ATP6V1H: variants seen among roughly 807,000 people sequenced by gnomAD.
ATP6V1H encodes V-type proton ATPase subunit H.
Under a neutral mutation model 71.7 loss-of-function variants are expected in ATP6V1H, and 39 were observed. The ratio of observed to expected loss-of-function variants is 0.54; its 90% CI spans 0.42 to 0.71. ATP6V1H has a LOEUF of 0.71. ATP6V1H is among the 30% of genes least tolerant of loss of function. The probability of loss-of-function intolerance (pLI) is 0.00; values close to 1 mark genes in which losing one functional copy is unlikely to be tolerated. For synonymous variants in ATP6V1H, 192 were observed against 199.3 expected (o/e 0.96, Z 0.31); for missense variants, 509 against 594.9 (o/e 0.86, Z 1.50).
intron 12 of ATP6V1H, among the ~76,000 whole-genome samples, chr8:53,750,921 G>GAGTCA (rs1202796564): frequency 2.6e-5 from 4 of 152,274 alleles, no homozygotes; most frequent in African/African-American, 9.6e-5. Context: ...CACCTAAAGA[G>GAGTCA]TGCTTACTAT....
intron 8 of ATP6V1H, among the ~76,000 whole-genome samples, chr8:53,798,491 A>G (rs1809813276): frequency 6.6e-6 from 1 of 152,120 alleles, no homozygotes; most frequent in Admixed American, 6.5e-5. Flanking sequence ...ACTGCACTCC[A>G]GCCTGGGTGA....
chr8:53,840,899 A>G (rs1261866745), intron 2 of ATP6V1H, among the ~76,000 whole-genome samples: 2 of 152,234 alleles, frequency 1.3e-5, no homozygotes, highest in Non-Finnish European at 2.9e-5. Flanking sequence ...TGCTCACTTT[A>G]TAGATAAATA....
chr8:53,774,666 C>A (rs892689119), intron 9 of ATP6V1H, among the ~76,000 whole-genome samples: 28 of 150,682 alleles, frequency 1.9e-4, no homozygotes, highest in Non-Finnish European at 3.8e-4. Flanking sequence ...CCTGAACGAA[C>A]AAAAGGTAGC....
At chr8:53,741,726 T>C (rs1449702367) in intron 13 of ATP6V1H, among the ~76,000 whole-genome samples, 1 of 152,244 alleles carries the variant, frequency 6.6e-6, no homozygotes, top group Non-Finnish European at 1.5e-5. Context: ...GCTAAACTGA[T>C]AAAAACCATT....
At chr8:53,730,396 A>ATCTTCTAGTGGC (rs1237602321) in intron 13 of ATP6V1H, among the ~76,000 whole-genome samples, 1 of 152,200 alleles carries the variant, frequency 6.6e-6, no homozygotes, top group East Asian at 1.9e-4. Flanking sequence ...GTTCTGATGG[A>ATCTTCTAGTGGC]TCTTCTAGTG....
chr8:53,733,512 G>A (rs1282509642), intron 13 of ATP6V1H, among the ~76,000 whole-genome samples: 1 of 152,228 alleles, frequency 6.6e-6, no homozygotes, highest in Non-Finnish European at 1.5e-5. Flanking sequence ...CCGGCACCTG[G>A]AGGACTGTGG....
intron 2 of ATP6V1H, chr8:53,839,994 A>G (rs1811290392): frequency 1.1e-6 from 1 of 874,010 alleles, no homozygotes; most frequent in African/African-American, 1.8e-5. Flanking sequence ...ACTCCCACCC[A>G]GTGTGCTGTT....
At chr8:53,837,994 C>G (rs540099715) in intron 2 of ATP6V1H, among the ~76,000 whole-genome samples, 3 of 152,214 alleles carry the variant, frequency 2.0e-5, no homozygotes, top group African/African-American at 7.2e-5. Context: ...AATGAAGAAG[C>G]CTGGAGAGAG....
At chr8:53,783,111 G>A (rs1282324094) in intron 9 of ATP6V1H, among the ~76,000 whole-genome samples, 1 of 152,052 alleles carries the variant, frequency 6.6e-6, no homozygotes, top group Non-Finnish European at 1.5e-5. Context: ...AGTTTCAGAA[G>A]GAATGGTACC....
At chr8:53,779,626 T>C (rs892902117) in intron 9 of ATP6V1H, among the ~76,000 whole-genome samples, 2 of 151,824 alleles carry the variant, frequency 1.3e-5, no homozygotes, top group African/African-American at 4.8e-5. Flanking sequence ...AACAAATTAT[T>C]TTCTGAGAGG....
At chr8:53,777,131 A>T (rs1263492637) in intron 9 of ATP6V1H, among the ~76,000 whole-genome samples, 1 of 152,248 alleles carries the variant, frequency 6.6e-6, no homozygotes, top group Non-Finnish European at 1.5e-5. Flanking sequence ...AGGCAAGGAT[A>T]AGTAAAAAGG....
intron 3 of ATP6V1H, chr8:53,831,882 A>T (rs1186831024): frequency 6.6e-6 from 1 of 150,828 alleles, no homozygotes; most frequent in Non-Finnish European, 1.5e-5. Context: ...TACAAGTGTG[A>T]GCCACTGCAC....
At chr8:53,722,056 C>T (rs546757798) in intron 13 of ATP6V1H, among the ~76,000 whole-genome samples, 1 of 152,272 alleles carries the variant, frequency 6.6e-6, no homozygotes, top group African/African-American at 2.4e-5. Context: ...TTTGCAATAA[C>T]AAAGTTATTT....
chr8:53,828,203 T>C (rs975572814), intron 4 of ATP6V1H, among the ~76,000 whole-genome samples: 5 of 152,212 alleles, frequency 3.3e-5, no homozygotes, highest in Non-Finnish European at 5.9e-5. Context: ...TCCTCGATAA[T>C]TGAGTTGTAT....
chr8:53,797,305 T>C (rs1809773122), intron 8 of ATP6V1H, among the ~76,000 whole-genome samples: 1 of 152,230 alleles, frequency 6.6e-6, no homozygotes, highest in Admixed American at 6.5e-5. Flanking sequence ...CCTGAGAGCA[T>C]TACCCCAGTA....
chr8:53,757,187 G>A (rs1808097052), intron 11 of ATP6V1H, among the ~76,000 whole-genome samples: 1 of 152,144 alleles, frequency 6.6e-6, no homozygotes, highest in Admixed American at 6.5e-5. Context: ...CCACCATCCT[G>A]TCACCTTGCC....
At chr8:53,778,555 T>C (rs1260753717) in intron 9 of ATP6V1H, among the ~76,000 whole-genome samples, 1 of 152,140 alleles carries the variant, frequency 6.6e-6, no homozygotes, top group Non-Finnish European at 1.5e-5. Context: ...TGAAATCCTG[T>C]CATCTGCAGC....
chr8:53,843,025 C>A lies in ATP6V1H; in HGVS notation c.-36+9G>T, dbSNP rs965130953. ...AGCCTGAGACCAAACAACGCGAGGG[C>A]GGCCTTACCTCGCGAATCCTCGGGA... On this transcript the variant is annotated intron_variant, in intron 1 of 13. Coordinates refer to ENST00000359530, the MANE Select transcript of ATP6V1H (RefSeq NM_015941.4). 2 of 152,280 alleles carry A rather than the reference C, an allele frequency of 1.3e-5. No homozygotes were observed. The highest frequency in any genetic ancestry group is 4.8e-5 in the African/African-American group (2 of 41,450). 9.4% of individuals were successfully genotyped at this position (152,280 alleles called of 1,614,324 possible).
intron 13 of ATP6V1H, among the ~76,000 whole-genome samples, chr8:53,731,919 C>A (rs935881383): frequency 1.3e-5 from 2 of 152,206 alleles, no homozygotes; most frequent in African/African-American, 2.4e-5. Context: ...CTCATCAGAG[C>A]GGTGCATGGC....
Sources: gnomAD v4.1 joint callset for allele counts (sites outside exome capture counted in the v4.1 genomes callset) on GRCh38, gnomAD v4.1.1 for gene constraint, MANE v1.5 for transcripts, NCBI Gene and HGNC (gene_info 2026-07-23, HGNC 2026-07-21) for gene names.